WWOX: variants seen among roughly 807,000 people sequenced by gnomAD.
The protein encoded by WWOX is WW domain-containing oxidoreductase.
In WWOX, 69 loss-of-function variants were observed where a neutral mutation model predicts 46.2. The ratio of observed to expected loss-of-function variants is 1.49; its 90% CI spans 1.23 to 1.82. The LOEUF (loss-of-function observed/expected upper bound fraction) is 1.82, where lower values mean the gene tolerates loss of function less well. Among genes scored for constraint, WWOX ranks in the 40% most tolerant of loss-of-function variants. The pLI, the probability that WWOX is intolerant of heterozygous loss-of-function variation, is 0.00. For missense variants in WWOX, 919 were observed against 542.6 expected, an observed-to-expected ratio of 1.69 and a Z score of -6.89; for synonymous variants, 359 against 202.6, an observed-to-expected ratio of 1.77 and a Z score of -6.56.
At chr16:78,552,449 A>T (rs1411640226) in intron 8 of WWOX, 1 of 152,204 alleles carries the variant, frequency 6.6e-6, no homozygotes, top group South Asian at 2.1e-4. Context: ...ATCCAGCTCC[A>T]TGCTGGATAT....
chr16:79,140,791 A>G (rs1320527436), intron 8 of WWOX, among the ~76,000 whole-genome samples: 2 of 152,138 alleles, frequency 1.3e-5, no homozygotes, highest in Non-Finnish European at 2.9e-5. Flanking sequence ...TGTTTCATCA[A>G]GCTGACGTTT....
chr16:78,105,687 T>C (rs1342221618), intron 1 of WWOX, among the ~76,000 whole-genome samples: 1 of 152,240 alleles, frequency 6.6e-6, no homozygotes, highest in Non-Finnish European at 1.5e-5. Context: ...GGGCCAGGCA[T>C]GAGGCTACAT....
At chr16:78,387,643 A>G (rs1270368749) in intron 6 of WWOX, among the ~76,000 whole-genome samples, 1 of 152,124 alleles carries the variant, frequency 6.6e-6, no homozygotes, top group Non-Finnish European at 1.5e-5. Context: ...ACACTGAGCT[A>G]AGGAAAGTGA....
chr16:78,224,754 C>T (rs1160470114), intron 5 of WWOX, among the ~76,000 whole-genome samples: 3 of 152,184 alleles, frequency 2.0e-5, no homozygotes, highest in African/African-American at 7.2e-5. Flanking sequence ...CTACTATTTT[C>T]CAGTATCTTC....
At chr16:79,051,510 C>G (rs1021301079) in intron 8 of WWOX, among the ~76,000 whole-genome samples, 5 of 147,340 alleles carry the variant, frequency 3.4e-5, no homozygotes, top group African/African-American at 5.0e-5. Flanking sequence ...TTGGCTACAA[C>G]TCAGTCACAT....
At chr16:79,066,183 C>G (rs1165499070) in intron 8 of WWOX, among the ~76,000 whole-genome samples, 2 of 152,168 alleles carry the variant, frequency 1.3e-5, no homozygotes, top group Admixed American at 1.3e-4. Context: ...CTAAATCACT[C>G]CCCTCCCTCC....
intron 5 of WWOX, among the ~76,000 whole-genome samples, chr16:78,199,507 A>G (rs945366694): frequency 2.2e-4 from 33 of 152,158 alleles, no homozygotes; most frequent in African/African-American, 8.0e-4. Context: ...ATCCGGCATC[A>G]TGACCTTTGT....
chr16:79,065,196 A>G lies in WWOX; in HGVS notation c.1057-146412A>G, dbSNP rs558477694. Among the ~76,000 whole-genome samples, 5 of 152,332 alleles carry G rather than the reference A, an allele frequency of 3.3e-5. No homozygotes were observed. In the East Asian group the frequency reaches 9.7e-4, roughly 29 times the overall value. On this transcript the variant is annotated intron_variant, in intron 8 of 8. Coordinates refer to ENST00000566780, the MANE Select transcript of WWOX (RefSeq NM_016373.4). ...GGCTTCGGAAGCTTCCTTAGTTCTTATAATTGCTCAATGGGTTCTTCTTGC... is the reference window on the plus strand; with the variant it reads ...GGCTTCGGAAGCTTCCTTAGTTCTTGTAATTGCTCAATGGGTTCTTCTTGC...
At chr16:79,197,054 T>C (rs938451046) in intron 8 of WWOX, among the ~76,000 whole-genome samples, 1 of 152,304 alleles carries the variant, frequency 6.6e-6, no homozygotes, top group Non-Finnish European at 1.5e-5. Flanking sequence ...ATTGACCCAG[T>C]AGGAAGTATA....
chr16:78,696,334 C>G (rs1357352144), intron 8 of WWOX, among the ~76,000 whole-genome samples: 1 of 152,098 alleles, frequency 6.6e-6, no homozygotes, highest in Non-Finnish European at 1.5e-5. Context: ...CACCTGAGTA[C>G]CAGGCAGGGT....
intron 8 of WWOX, among the ~76,000 whole-genome samples, chr16:78,986,367 T>C (rs1245644729): frequency 6.6e-6 from 1 of 152,196 alleles, no homozygotes; most frequent in Non-Finnish European, 1.5e-5. Context: ...ATATTCCTAA[T>C]ATCCTCCCTG....
At chr16:79,078,606 A>G (rs2048703720) in intron 8 of WWOX, among the ~76,000 whole-genome samples, 1 of 152,232 alleles carries the variant, frequency 6.6e-6, no homozygotes, top group South Asian at 2.1e-4. Context: ...TCCTGGGAGC[A>G]TTTAACACAG....
chr16:79,154,543 T>C (rs1387351365), intron 8 of WWOX, among the ~76,000 whole-genome samples: 1 of 150,848 alleles, frequency 6.6e-6, no homozygotes, highest in Non-Finnish European at 1.5e-5. Context: ...GTTGAAAGGA[T>C]ATAGCCACTC....
At chr16:78,268,253 C>T (rs1172230079) in intron 5 of WWOX, among the ~76,000 whole-genome samples, 1 of 152,124 alleles carries the variant, frequency 6.6e-6, no homozygotes, top group Non-Finnish European at 1.5e-5. Context: ...AAAAAAGTAG[C>T]ATTCTATTTT....
intron 8 of WWOX, among the ~76,000 whole-genome samples, chr16:78,978,316 A>G (rs1345452048): frequency 6.6e-6 from 1 of 152,136 alleles, no homozygotes; most frequent in East Asian, 1.9e-4. Flanking sequence ...GCATATGAGT[A>G]TTTGGGTTCC....
intron 8 of WWOX, among the ~76,000 whole-genome samples, chr16:78,977,948 G>A (rs147664371): frequency 1.3e-5 from 2 of 149,384 alleles, no homozygotes; most frequent in African/African-American, 4.9e-5. Context: ...TTCAATAGCA[G>A]TACATTCACA....
At chr16:78,751,118 C>T (rs762151185) in intron 8 of WWOX, among the ~76,000 whole-genome samples, 1 of 152,068 alleles carries the variant, frequency 6.6e-6, no homozygotes, top group Non-Finnish European at 1.5e-5. Context: ...AGTGCTGTTT[C>T]AAACAGTTGA....
chr16:78,384,360 C>G (rs994579754), intron 5 of WWOX, among the ~76,000 whole-genome samples: 1 of 152,136 alleles, frequency 6.6e-6, no homozygotes, highest in African/African-American at 2.4e-5. Flanking sequence ...TTTGCTGACT[C>G]TGAATGTCAG....
rs1354271652 is a variant in WWOX at position 78,251,905 on chromosome 16, C to G, written c.516+87616C>G. ...CATTTATCCATGCTATCTCTTCCCTCCATTAGCATGGTTAATTAAGAGTTG... is the reference window on the plus strand; with the variant it reads ...CATTTATCCATGCTATCTCTTCCCTGCATTAGCATGGTTAATTAAGAGTTG... On this transcript the variant is annotated intron_variant, in intron 5 of 8. Coordinates refer to ENST00000566780, the MANE Select transcript of WWOX (RefSeq NM_016373.4). 3.3e-5 allele frequency among the ~76,000 whole-genome samples: 5 copies of G among 152,174 alleles called. 1 individual carries two copies. The highest frequency in any genetic ancestry group is 7.4e-5 in the Non-Finnish European group (5 of 68,026).
Sources: allele counts gnomAD v4.1 joint callset (sites outside exome capture counted in the v4.1 genomes callset), GRCh38; gene constraint gnomAD v4.1.1; transcripts MANE v1.5; gene names NCBI Gene and HGNC (gene_info 2026-07-23, HGNC 2026-07-21).